FREM1: variants seen among roughly 807,000 people sequenced by gnomAD.
FREM1 encodes FRAS1-related extracellular matrix protein 1.
A neutral mutation model predicts 210.1 loss-of-function variants in FREM1; 220 were observed. The ratio of observed to expected loss-of-function variants is 1.05; its 90% confidence interval spans 0.94 to 1.17. FREM1 has a LOEUF of 1.17. FREM1 is among the 50% of genes most tolerant of loss of function. The probability of loss-of-function intolerance (pLI) is 0.00; values close to 1 mark genes in which losing one functional copy is unlikely to be tolerated. For synonymous variants in FREM1, 1,189 were observed against 980.2 expected (o/e 1.21, Z -3.98); for missense variants, 3,454 against 2,675.5 (o/e 1.29, Z -6.42).
chr9:14,823,290 G>A lies in FREM1; in HGVS notation c.2207C>T (p.Pro736Leu), dbSNP rs1588179363. The A allele has an allele frequency of 6.2e-7, 1 of 1,613,780 alleles. No homozygotes were observed. The highest frequency in any genetic ancestry group is 1.3e-5 in the African/African-American group (1 of 74,908). ...VNYMKVAYMP[P>L]MQDIGPHCRD... ...GCAATGGGGACCAATGTCTTGCATG[G>A]GGGGCATGTAGGCCACTTTCATATA... Residue 736 changes from proline (P) to leucine (L), a missense_variant, in exon 13 of 37, where the codon CCC becomes CTC. Pro to Leu is a moderately conservative substitution (Grantham distance 98). Coordinates refer to ENST00000380880, the MANE Select transcript of FREM1 (RefSeq NM_001379081.2).
At chr9:14,766,264 C>T (rs775884088) in intron 27 of FREM1, among the ~76,000 whole-genome samples, 3 of 152,152 alleles carry the variant, frequency 2.0e-5, no homozygotes, top group East Asian at 1.9e-4. Context: ...TAAATCTTTA[C>T]GCAAATTTCC....
chr9:14,784,648 G>C lies in FREM1; in HGVS notation c.4178-14C>G. On this transcript the variant is annotated splice_polypyrimidine_tract_variant and intron_variant, in intron 23 of 36. Coordinates refer to ENST00000380880, the MANE Select transcript of FREM1 (RefSeq NM_001379081.2). Reference sequence around the variant, plus strand: ...TGACAATATCACCTACATGACATAAGAGGTTATGGTCAATAATCATATCAA... The same window carrying C: ...TGACAATATCACCTACATGACATAACAGGTTATGGTCAATAATCATATCAA... 2 of 1,525,204 alleles carry C rather than the reference G, an allele frequency of 1.3e-6. No individual in the cohort carries two copies. The highest frequency in any genetic ancestry group is 1.8e-6 in the Non-Finnish European group (2 of 1,131,214). 94.5% of individuals were successfully genotyped at this position (1,525,204 alleles called of 1,614,324 possible).
At chr9:14,744,826 C>A (rs191418442) in intron 35 of FREM1, among the ~76,000 whole-genome samples, 6 of 152,222 alleles carry the variant, frequency 3.9e-5, no homozygotes, top group African/African-American at 1.4e-4. Context: ...TAAGACAGTT[C>A]TACAAAGTGA....
At chr9:14,810,537 C>T (rs1487558908) in intron 16 of FREM1, among the ~76,000 whole-genome samples, 4 of 152,124 alleles carry the variant, frequency 2.6e-5, no homozygotes, top group South Asian at 2.1e-4. Context: ...CTCTAGGTTC[C>T]ACCTCCTGGG....
Position 14,747,284 on chromosome 9 carries a change from C to G in FREM1, c.5989G>C (p.Asp1997His). 1 of 1,612,666 alleles carries G rather than the reference C, an allele frequency of 6.2e-7. No homozygotes were observed. The highest frequency in any genetic ancestry group is 8.5e-7 in the Non-Finnish European group (1 of 1,179,394). The change falls in exon 33 of 37, where the codon GAC becomes CAC. Residue 1997 changes from aspartate to histidine, a missense_variant. Transcript: ENST00000380880. ...PQADKVESTT[D>H]SHFPRQDQLP... is the part of the protein sequence containing the mutation. Reference sequence around the variant, plus strand: ...CATACCTGTCTGGGGAAGTGTGAGTCAGTTGTGGATTCCACCTTATCTGCT... The same window carrying G: ...CATACCTGTCTGGGGAAGTGTGAGTGAGTTGTGGATTCCACCTTATCTGCT...
chr9:14,834,712 T>A (rs1191439955), intron 10 of FREM1, among the ~76,000 whole-genome samples: 1 of 152,158 alleles, frequency 6.6e-6, no homozygotes, highest in African/African-American at 2.4e-5. Context: ...ACATATTTAG[T>A]CACATGAGAT....
chr9:14,759,999 C>A, intron 27 of FREM1, 98 bp from the exon 28 acceptor site: 1 of 848,690 alleles, frequency 1.2e-6, no homozygotes, highest in Non-Finnish European at 1.7e-6. Flanking sequence ...GGTTGATCAA[C>A]CTACACCAGT....
intron 10 of FREM1, among the ~76,000 whole-genome samples, chr9:14,832,898 C>G (rs1289084206): frequency 1.3e-5 from 2 of 152,032 alleles, no homozygotes; most frequent in South Asian, 2.1e-4. Flanking sequence ...ATGGATCTAC[C>G]GAAGAAAAGG....
At chr9:14,756,253 T>C (rs1423171042) in intron 29 of FREM1, 121 bp downstream of exon 29, 2 of 708,344 alleles carry the variant, frequency 2.8e-6, no homozygotes, top group Non-Finnish European at 2.4e-6. Flanking sequence ...TATGGCTCCC[T>C]GAGGAGTTTC....
At position 14,861,130 on chromosome 9, in the gene FREM1, C is replaced by CATATATATACATATATACACAT. The variant is rs536484018; in HGVS notation, c.330-1647_330-1646insATGTGTATATATGTATATATAT. 1.6e-4 allele frequency among the ~76,000 whole-genome samples: 11 copies of CATATATATACATATATACACAT among 69,128 alleles called. 1 individual carries two copies. The highest frequency in any genetic ancestry group is 5.5e-4 in the African/African-American group (10 of 18,280). 45.4% of individuals were successfully genotyped at this position (69,128 alleles called of 152,430 possible). A position where few individuals can be genotyped will look rare whatever the true frequency, so the allele number is the denominator to read the frequency against. On this transcript the variant is annotated intron_variant, in intron 3 of 36. Coordinates refer to ENST00000380880, the MANE Select transcript of FREM1 (RefSeq NM_001379081.2). ...ATACACATATATATACATATATACA[C>CATATATATACATATATACACAT]ATATATACATATATACACATATATA...
intron 4 of FREM1, among the ~76,000 whole-genome samples, chr9:14,858,794 T>C (rs1390187021): frequency 2.0e-5 from 3 of 152,134 alleles, no homozygotes; most frequent in Admixed American, 6.5e-5. Context: ...ACTCCATAAA[T>C]GCACCAACTA....
chr9:14,771,085 G>A lies in FREM1; in HGVS notation c.4858-279C>T, dbSNP rs1181518419. On this transcript the variant is annotated intron_variant, in intron 25 of 36. Coordinates refer to ENST00000380880, the MANE Select transcript of FREM1 (RefSeq NM_001379081.2). ...TTAGGATACAAGTTCCGAGAGGGCA[G>A]GCGTCAGGTCTTTCACCGCCATGGA... Among the ~76,000 whole-genome samples, 5 of 152,228 alleles carry A rather than the reference G, an allele frequency of 3.3e-5. No homozygotes were observed. In the East Asian group the frequency reaches 5.8e-4, roughly 18 times the overall value.
At chr9:14,825,547 G>GTGTGTATATATATATATA in intron 10 of FREM1, among the ~76,000 whole-genome samples, 8 of 75,900 alleles carry the variant, frequency 1.1e-4, no homozygotes, top group East Asian at 6.1e-4. Flanking sequence ...GTGTGTGTGT[G>GTGTGTATATATATATATA]TATATATATA....
At chr9:14,794,396 G>T (rs910456983) in intron 21 of FREM1, among the ~76,000 whole-genome samples, 8 of 152,192 alleles carry the variant, frequency 5.3e-5, no homozygotes, top group East Asian at 1.9e-4. Flanking sequence ...GAGGTTAAGG[G>T]CTGTCCCCAG....
chr9:14,784,627 A>G lies in FREM1; in HGVS notation c.4185T>C (p.Ile1395=), dbSNP rs774872456. The G allele has an allele frequency of 7.6e-6, 12 of 1,573,016 alleles. No individual in the cohort carries two copies. In the South Asian group the frequency reaches 1.1e-4, roughly 14 times the overall value. ...ITIKDMEKGD[I]VILTKPLVVS... ...CCACGAGTGGTTTTGTAAGGATGAC[A>G]ATATCACCTACATGACATAAGAGGT... Residue 1395 remains isoleucine (I), a synonymous_variant, in exon 24 of 37, where the codon ATT becomes ATC. Transcript: ENST00000380880.
chr9:14,806,762 T>C lies in FREM1; in HGVS notation c.3173A>G (p.Asp1058Gly). Reference sequence around the variant, plus strand: ...AGAAACCAAAACAAATTCCAAGTCATCTGCTGCAGTGTCAGGGTCAGTGGC... The same window carrying C: ...AGAAACCAAAACAAATTCCAAGTCACCTGCTGCAGTGTCAGGGTCAGTGGC... ...LSATDPDTAA[D>G]DLEFVLVSPP... The change falls in exon 18 of 37, where the codon GAT (aspartate) becomes GGT (glycine). Residue 1058 changes from aspartate to glycine, a missense_variant. Coordinates refer to ENST00000380880, the MANE Select transcript of FREM1 (RefSeq NM_001379081.2). 3.1e-6 allele frequency: 5 copies of C among 1,605,954 alleles called. No individual in the cohort carries two copies. The highest frequency in any genetic ancestry group is 4.3e-6 in the Non-Finnish European group (5 of 1,175,860).
At chr9:14,881,874 G>A (rs1479371859) in intron 1 of FREM1, among the ~76,000 whole-genome samples, 2 of 152,096 alleles carry the variant, frequency 1.3e-5, no homozygotes, top group East Asian at 1.9e-4. Context: ...AGGTAGTTAC[G>A]GTGTGCCTCT....
At chr9:14,871,791 T>G (rs1262596686) in intron 1 of FREM1, among the ~76,000 whole-genome samples, 1 of 152,176 alleles carries the variant, frequency 6.6e-6, no homozygotes, top group Non-Finnish European at 1.5e-5. Flanking sequence ...GTTTTTACGG[T>G]TTTAGGTCTA....
At chr9:14,877,304 T>C (rs749367418) in intron 1 of FREM1, among the ~76,000 whole-genome samples, 5 of 151,962 alleles carry the variant, frequency 3.3e-5, no homozygotes, top group Non-Finnish European at 4.4e-5. Flanking sequence ...AAAAGACATC[T>C]CACACTTTAT....
Sources: gnomAD v4.1 joint callset for allele counts (sites outside exome capture counted in the v4.1 genomes callset) on GRCh38, gnomAD v4.1.1 for gene constraint, MANE v1.5 for transcripts, NCBI Gene and HGNC (gene_info 2026-07-23, HGNC 2026-07-21) for gene names.